Variants in SLC25A29 observed in about 807,000 individuals in gnomAD.
The protein encoded by SLC25A29 is solute carrier family 25 member 29, also known as mitochondrial basic amino acids transporter.
In SLC25A29, 13 loss-of-function variants were observed where a neutral mutation model predicts 10.0. That is an observed-to-expected ratio of 1.30 (90% confidence interval 0.85 to 2.07). The LOEUF (loss-of-function observed/expected upper bound fraction) is 2.07, where lower values mean the gene tolerates loss of function less well. SLC25A29 is among the 30% of genes most tolerant of loss of function. The probability of loss-of-function intolerance (pLI) is 0.00; values close to 1 mark genes in which losing one functional copy is unlikely to be tolerated. For synonymous variants in SLC25A29, 244 were observed against 221.1 expected (o/e 1.10, Z -0.92); for missense variants, 475 against 447.6 (o/e 1.06, Z -0.55).
the SLC25A29 span, among the ~76,000 whole-genome samples, chr14:100,285,655 G>C: frequency 8.5e-5 from 13 of 152,096 alleles, no homozygotes. Context: ...AACGCGGAAG[G>C]AGGCTGCGTG....
In SLC25A29 at chr14:100,292,195, C is replaced by T. The variant is rs1402870667; in HGVS notation, c.*88G>A. ...ATAGACTCCACAGCTCGCAGCATCC[C>T]AGCAGGAAGCAGGGCAATCGACTCA... On this transcript the variant is annotated 3_prime_UTR_variant, in exon 4 of 4. Transcript: ENST00000359232. 2 of 1,486,682 alleles carry T rather than the reference C, an allele frequency of 1.3e-6. No individual in the cohort carries two copies. The highest frequency in any genetic ancestry group is 4.0e-5 in the Admixed American group (2 of 50,320). 92.1% of individuals were successfully genotyped at this position (1,486,682 alleles called of 1,614,324 possible).
In SLC25A29 at chr14:100,306,242, C is replaced by A. The variant is rs549440805; in HGVS notation, c.-10G>T. 128 of 1,487,166 alleles carry A rather than the reference C, an allele frequency of 8.6e-5. No individual in the cohort carries two copies. The South Asian group carries it at 1.6e-3, about 19-fold the overall frequency. The allele number at this position is 1,487,166 out of a possible 1,614,324, so 92.1% of individuals were successfully genotyped here. On this transcript the variant is annotated 5_prime_UTR_variant, in exon 1 of 4. Coordinates refer to ENST00000359232, the MANE Select transcript of SLC25A29 (RefSeq NM_001039355.3). ...AGAAGTCCAGCGCCATGGCCGGGTC[C>A]CCGGCGAGGCCGCCTTTCCTCCTCG...
chr14:100,287,635 C>A (rs376337746), downstream of SLC25A29, among the ~76,000 whole-genome samples: 2 of 111,324 alleles, frequency 1.8e-5, no homozygotes, highest in Non-Finnish European at 3.9e-5. Flanking sequence ...ACCACCCCCC[C>A]CCTCCGAATT....
chr14:100,281,920 C>CA, the SLC25A29 span: 3 of 152,196 alleles, frequency 2.0e-5, no homozygotes, highest in Non-Finnish European at 4.4e-5. Context: ...CCCAAGGGAT[C>CA]AGTGTGGTGC....
intron 2 of SLC25A29, chr14:100,295,866 C>T: frequency 7.8e-7 from 1 of 1,289,700 alleles, no homozygotes; most frequent in South Asian, 1.2e-5. Flanking sequence ...ATTGCTGTGT[C>T]CAAGGAAGCA....
In SLC25A29 at chr14:100,293,832, G is replaced by A. The variant is rs116347906; in HGVS notation, c.79-455C>T. ...CGAGGCAATAGGCGCAAAAAGTGAT[G>A]AGCCTGGCCAGGTGCAGTGGCTCAC... On this transcript the variant is annotated intron_variant, in intron 2 of 3. Coordinates refer to ENST00000359232, the MANE Select transcript of SLC25A29 (RefSeq NM_001039355.3). 2.4e-3 allele frequency: 378 copies of A among 160,178 alleles called. 3 individuals are homozygous for A. Among genetic ancestry groups the A allele is most frequent in the African/African-American group, 8.5e-3 (356 of 41,712 alleles). The allele number at this position is 160,178 out of a possible 1,614,324, so 9.9% of individuals were successfully genotyped here.
downstream of SLC25A29, among the ~76,000 whole-genome samples, chr14:100,287,123 A>G (rs73353539): frequency 0.047 from 7,149 of 152,348 alleles, 460 homozygotes; most frequent in African/African-American, 0.14. Flanking sequence ...GGTGCTTTTT[A>G]TAAGAAATGA....
chr14:100,285,336 C>T, the SLC25A29 span, among the ~76,000 whole-genome samples: 1 of 151,032 alleles, frequency 6.6e-6, no homozygotes, highest in Non-Finnish European at 1.5e-5. Context: ...CTGTCCCCCA[C>T]GCTGCTCTGG....
At chr14:100,284,475 T>C in the SLC25A29 span, among the ~76,000 whole-genome samples, 1 of 152,118 alleles carries the variant, frequency 6.6e-6, no homozygotes, top group African/African-American at 2.4e-5. Context: ...ACTGCAGCGG[T>C]TCCCTACTTC....
chr14:100,296,272 A>G, intron 2 of SLC25A29: 1 of 314,012 alleles, frequency 3.2e-6, no homozygotes, highest in South Asian at 2.7e-5. Context: ...ATAACTTCAA[A>G]AAAAACATGA....
intron 1 of SLC25A29, chr14:100,299,352 G>A (rs921202892): frequency 6.5e-5 from 66 of 1,016,902 alleles, no homozygotes; most frequent in Non-Finnish European, 7.3e-5. Flanking sequence ...AAATGACTCT[G>A]TCTCTGGGCC....
At chr14:100,279,636 C>T in the SLC25A29 span, 3 of 152,252 alleles carry the variant, frequency 2.0e-5, no homozygotes, top group Non-Finnish European at 4.4e-5. Context: ...CGGATGAGAA[C>T]GTGTAGTTCT....
chr14:100,293,812 C>A (rs904204170), intron 2 of SLC25A29: 5 of 162,604 alleles, frequency 3.1e-5, no homozygotes, highest in African/African-American at 1.2e-4. Flanking sequence ...GGCTTCGAGG[C>A]AATAGGCGCA....
chr14:100,288,248 T>C (rs1891584446), downstream of SLC25A29, among the ~76,000 whole-genome samples: 1 of 151,874 alleles, frequency 6.6e-6, no homozygotes. Context: ...CAGGGCATGG[T>C]TGCTGCGCCT....
chr14:100,279,059 C>T, the SLC25A29 span: 1 of 152,312 alleles, frequency 6.6e-6, no homozygotes, highest in South Asian at 2.1e-4. Flanking sequence ...TGCAAATCGG[C>T]AAGGTGATTA....
At chr14:100,295,837 A>G (rs1408565830) in intron 2 of SLC25A29, 1 of 1,289,620 alleles carries the variant, frequency 7.8e-7, no homozygotes, top group Non-Finnish European at 1.0e-6. Flanking sequence ...TCATAGGTCA[A>G]GACAACTGCT....
chr14:100,304,282 G>A (rs1005041152), intron 1 of SLC25A29, among the ~76,000 whole-genome samples: 10 of 152,158 alleles, frequency 6.6e-5, no homozygotes, highest in Admixed American at 2.0e-4. Flanking sequence ...CCAGGGACCT[G>A]GAGCCTGGGA....
At chr14:100,293,599 GGGTAGGGGGT>G in intron 2 of SLC25A29, 1 of 570,598 alleles carries the variant, frequency 1.8e-6, no homozygotes, top group South Asian at 2.0e-5. Flanking sequence ...GCTGGAGACA[GGGTAGGGGGT>G]CCCCAAGATC....
intron 2 of SLC25A29, chr14:100,295,139 G>A (rs902412268): frequency 3.1e-5 from 5 of 160,530 alleles, no homozygotes; most frequent in Admixed American, 2.3e-4. Context: ...CAGCCGGCTG[G>A]GGAATGTCAG....
Sources: allele counts gnomAD v4.1 joint callset (sites outside exome capture counted in the v4.1 genomes callset), GRCh38; gene constraint gnomAD v4.1.1; transcripts MANE v1.5; gene names NCBI Gene and HGNC (gene_info 2026-07-23, HGNC 2026-07-21).